The following WWOX variants were observed in gnomAD, a reference collection of about 807,000 sequenced individuals.
WWOX encodes WW domain-containing oxidoreductase.
In WWOX, 69 loss-of-function variants were observed where a neutral mutation model predicts 46.2. The ratio of observed to expected loss-of-function variants is 1.49; its 90% confidence interval spans 1.23 to 1.82. The LOEUF is 1.82. Among genes scored for constraint, WWOX ranks in the 40% most tolerant of loss-of-function variants. The pLI, the probability that WWOX is intolerant of heterozygous loss-of-function variation, is 0.00. For synonymous variants in WWOX, 359 were observed against 202.6 expected, an observed-to-expected ratio of 1.77 and a Z score of -6.56; for missense variants, 919 against 542.6, an observed-to-expected ratio of 1.69 and a Z score of -6.89.
At chr16:78,858,307 C>G (rs2052616298) in intron 8 of WWOX, among the ~76,000 whole-genome samples, 1 of 140,656 alleles carries the variant, frequency 7.1e-6, no homozygotes, top group African/African-American at 2.7e-5. Flanking sequence ...TATGCTGTAC[C>G]CAATATGTAG....
intron 8 of WWOX, among the ~76,000 whole-genome samples, chr16:79,104,862 C>G (rs2049276226): frequency 6.6e-6 from 1 of 152,152 alleles, no homozygotes; most frequent in African/African-American, 2.4e-5. Context: ...CCAAAGGTGT[C>G]CAAACCTCGA....
chr16:78,400,455 C>T (rs550745084), intron 6 of WWOX, among the ~76,000 whole-genome samples: 1 of 152,120 alleles, frequency 6.6e-6, no homozygotes, highest in African/African-American at 2.4e-5. Flanking sequence ...GCTGTCACCC[C>T]CAGGATTCTA....
intron 8 of WWOX, among the ~76,000 whole-genome samples, chr16:78,792,011 G>C (rs2050614857): frequency 6.6e-6 from 1 of 152,000 alleles, no homozygotes; most frequent in African/African-American, 2.4e-5. Context: ...GTCAGTACTG[G>C]ACATTCCCTT....
intron 6 of WWOX, among the ~76,000 whole-genome samples, chr16:78,404,760 C>T (rs539172760): frequency 3.5e-4 from 54 of 152,274 alleles, no homozygotes; most frequent in African/African-American, 1.2e-3. Flanking sequence ...CTTACTTTCC[C>T]GACCAGCCCC....
At chr16:78,944,479 C>G (rs918670948) in intron 8 of WWOX, among the ~76,000 whole-genome samples, 3 of 152,112 alleles carry the variant, frequency 2.0e-5, no homozygotes, top group Non-Finnish European at 2.9e-5. Flanking sequence ...TCTTCTCTGA[C>G]AAAAACTGGT....
chr16:79,037,847 T>G (rs1393949556), intron 8 of WWOX, among the ~76,000 whole-genome samples: 2 of 152,052 alleles, frequency 1.3e-5, no homozygotes, highest in East Asian at 3.9e-4. Context: ...TCCATCCAGC[T>G]CCTGCCTGCT....
chr16:78,125,530 A>T (rs1433676313), intron 4 of WWOX, among the ~76,000 whole-genome samples: 1 of 152,152 alleles, frequency 6.6e-6, no homozygotes, highest in Non-Finnish European at 1.5e-5. Flanking sequence ...GCCAAGGCAG[A>T]TGTCATTTCC....
At chr16:78,438,706 A>T (rs1444887380) in intron 8 of WWOX, among the ~76,000 whole-genome samples, 2 of 152,178 alleles carry the variant, frequency 1.3e-5, no homozygotes, top group African/African-American at 4.8e-5. Flanking sequence ...ATTTTACATT[A>T]AAAAATGGCT....
chr16:78,902,207 C>G (rs1001670663), intron 8 of WWOX, among the ~76,000 whole-genome samples: 1 of 152,202 alleles, frequency 6.6e-6, no homozygotes, highest in Non-Finnish European at 1.5e-5. Context: ...TGAAACCATC[C>G]TGTGTGCTGT....
At chr16:78,766,020 A>G (rs1053804701) in intron 8 of WWOX, among the ~76,000 whole-genome samples, 1 of 152,234 alleles carries the variant, frequency 6.6e-6, no homozygotes, top group Non-Finnish European at 1.5e-5. Flanking sequence ...AAGTCTGCAC[A>G]GAAAAGGTTT....
chr16:79,082,596 G>A (rs763034937), intron 8 of WWOX, among the ~76,000 whole-genome samples: 13 of 152,192 alleles, frequency 8.5e-5, no homozygotes, highest in Non-Finnish European at 1.3e-4. Flanking sequence ...AACACAGCCC[G>A]CCAGAAAGTC....
intron 8 of WWOX, among the ~76,000 whole-genome samples, chr16:79,130,793 A>C (rs1362647797): frequency 6.6e-6 from 1 of 152,210 alleles, no homozygotes; most frequent in Non-Finnish European, 1.5e-5. Flanking sequence ...GCTGTGATCA[A>C]GTACATATGC....
At chr16:78,990,241 T>G (rs974625275) in intron 8 of WWOX, among the ~76,000 whole-genome samples, 1 of 151,602 alleles carries the variant, frequency 6.6e-6, no homozygotes, top group African/African-American at 2.4e-5. Context: ...CATCTCAGAT[T>G]AAGGGCCTCC....
At chr16:79,029,858 A>G (rs1054226277) in intron 8 of WWOX, among the ~76,000 whole-genome samples, 1 of 152,222 alleles carries the variant, frequency 6.6e-6, no homozygotes, top group Non-Finnish European at 1.5e-5. Flanking sequence ...TCAAACTTCA[A>G]CAGTGTTTTA....
At chr16:78,731,438 C>G (rs892419766) in intron 8 of WWOX, among the ~76,000 whole-genome samples, 11 of 152,124 alleles carry the variant, frequency 7.2e-5, no homozygotes, top group Admixed American at 7.2e-4. Flanking sequence ...CCCTTTGAAT[C>G]TTCAGTGTTT....
At chr16:78,829,146 A>C (rs1290494143) in intron 8 of WWOX, among the ~76,000 whole-genome samples, 1 of 152,142 alleles carries the variant, frequency 6.6e-6, no homozygotes, top group Non-Finnish European at 1.5e-5. Context: ...AGAGAGAGAC[A>C]GATAGGCAGA....
chr16:78,591,477 T>C (rs2045350598), intron 8 of WWOX, among the ~76,000 whole-genome samples: 1 of 152,232 alleles, frequency 6.6e-6, no homozygotes, highest in African/African-American at 2.4e-5. Context: ...CCCTCTCATG[T>C]ATCTCTATTA....
intron 8 of WWOX, among the ~76,000 whole-genome samples, chr16:79,088,567 T>TG (rs1398837457): frequency 6.6e-6 from 1 of 152,194 alleles, no homozygotes; most frequent in Non-Finnish European, 1.5e-5. Context: ...ATGTTTTCTA[T>TG]GGGGGTTTCT....
chr16:78,135,835 G>C (rs935823920), intron 4 of WWOX, among the ~76,000 whole-genome samples: 2 of 152,116 alleles, frequency 1.3e-5, no homozygotes, highest in African/African-American at 4.8e-5. Context: ...ATAAGCACAT[G>C]TACCTCTATG....
Sources: allele counts gnomAD v4.1 joint callset (sites outside exome capture counted in the v4.1 genomes callset), GRCh38; gene constraint gnomAD v4.1.1; transcripts MANE v1.5; gene names NCBI Gene and HGNC (gene_info 2026-07-23, HGNC 2026-07-21).